RUNX2: variants seen among roughly 807,000 people sequenced by gnomAD.
The protein encoded by RUNX2 is runt-related transcription factor 2.
In RUNX2, 10 loss-of-function variants were observed where a neutral mutation model predicts 51.7. The observed-to-expected ratio is 0.19, with a 90% CI of 0.12 to 0.33. The LOEUF is 0.33. RUNX2 is among the 10% of genes least tolerant of loss of function. The pLI is 1.00. For synonymous variants in RUNX2, 276 were observed against 273.6 expected (o/e 1.01, Z -0.09); for missense variants, 562 against 691.3 (o/e 0.81, Z 2.10).
intron 2 of RUNX2, among the ~76,000 whole-genome samples, chr6:45,353,013 C>T (rs1462229979): frequency 6.6e-6 from 1 of 151,984 alleles, no homozygotes; most frequent in Non-Finnish European, 1.5e-5. Context: ...GCAAGAAAAA[C>T]AAATATTAAA....
rs886061510 is a variant in RUNX2 at position 45,550,947 on chromosome 6, C to T, written c.*3642C>T. Reference sequence around the variant, plus strand: ...CAGGTCATGATTGTGGATGAGTTTACTCTTAACTTCAAAGGGACTATTTGT... The same window carrying T: ...CAGGTCATGATTGTGGATGAGTTTATTCTTAACTTCAAAGGGACTATTTGT... On this transcript the variant is annotated 3_prime_UTR_variant, in exon 9 of 9. Coordinates refer to ENST00000647337, the MANE Select transcript of RUNX2 (RefSeq NM_001024630.4). 11 of 152,586 alleles carry T rather than the reference C, an allele frequency of 7.2e-5. No homozygotes were observed. Among genetic ancestry groups the T allele is most frequent in the Non-Finnish European group, 1.3e-4 (9 of 68,036 alleles). The allele number at this position is 152,586 out of a possible 1,614,324, so 9.5% of individuals were successfully genotyped here.
At chr6:45,337,777 ATT>A (rs1204239473) in intron 2 of RUNX2, among the ~76,000 whole-genome samples, 1 of 151,962 alleles carries the variant, frequency 6.6e-6, no homozygotes, top group African/African-American at 2.4e-5. Context: ...TGTTATGTTT[ATT>A]TTTGTTTATT....
intron 2 of RUNX2, among the ~76,000 whole-genome samples, chr6:45,332,580 T>C (rs1787733363): frequency 6.6e-6 from 1 of 151,818 alleles, no homozygotes; most frequent in African/African-American, 2.4e-5. Context: ...TCTAAGTCAA[T>C]AGTGAAGTCA....
intron 5 of RUNX2, among the ~76,000 whole-genome samples, chr6:45,450,760 A>G (rs1563092636): frequency 1.3e-5 from 2 of 152,202 alleles, no homozygotes; most frequent in Non-Finnish European, 1.5e-5. Flanking sequence ...CAAACCTTGA[A>G]CACAGTCAGT....
chr6:45,397,061 C>A (rs535381010), intron 2 of RUNX2, among the ~76,000 whole-genome samples: 26 of 151,722 alleles, frequency 1.7e-4, no homozygotes, highest in South Asian at 1.7e-3. Context: ...TGGGGATAAA[C>A]CTAAGAGTAG....
chr6:45,494,162 G>A (rs1047973838), intron 6 of RUNX2, among the ~76,000 whole-genome samples: 10 of 152,180 alleles, frequency 6.6e-5, no homozygotes, highest in African/African-American at 1.4e-4. Context: ...GCAGATACAC[G>A]TGCAGAGAGT....
intron 2 of RUNX2, among the ~76,000 whole-genome samples, chr6:45,398,173 A>T (rs928596273): frequency 2.5e-4 from 38 of 152,204 alleles, no homozygotes; most frequent in African/African-American, 8.2e-4. Context: ...GTGTGCACTT[A>T]GGAAAGTTAC....
chr6:45,525,112 A>G (rs773228771), intron 7 of RUNX2, among the ~76,000 whole-genome samples: 19 of 152,212 alleles, frequency 1.2e-4, no homozygotes, highest in Admixed American at 3.3e-4. Context: ...CTCAGTCTCA[A>G]AAGATATAGT....
intron 5 of RUNX2, among the ~76,000 whole-genome samples, chr6:45,485,930 T>A (rs1237569536): frequency 1.3e-5 from 2 of 151,902 alleles, no homozygotes; most frequent in East Asian, 1.9e-4. Flanking sequence ...CAATACTTTT[T>A]AAATTTTTTA....
chr6:45,392,012 G>A (rs1797481387), intron 2 of RUNX2, among the ~76,000 whole-genome samples: 1 of 152,058 alleles, frequency 6.6e-6, no homozygotes, highest in South Asian at 2.1e-4. Context: ...TCATCTGCAG[G>A]CTCTCATATA....
chr6:45,331,741 C>T (rs914265719), intron 2 of RUNX2, among the ~76,000 whole-genome samples: 49 of 151,894 alleles, frequency 3.2e-4, no homozygotes, highest in African/African-American at 1.2e-3. Context: ...CTCTCCTGAT[C>T]AATCCGTCTC....
intron 2 of RUNX2, among the ~76,000 whole-genome samples, chr6:45,405,574 A>G (rs1288803390): frequency 2.0e-5 from 3 of 152,224 alleles, no homozygotes; most frequent in African/African-American, 7.2e-5. Context: ...GGATCACCTG[A>G]GGTCAGGAGT....
chr6:45,419,719 G>C (rs1392723902), intron 2 of RUNX2, among the ~76,000 whole-genome samples: 1 of 152,202 alleles, frequency 6.6e-6, no homozygotes, highest in Non-Finnish European at 1.5e-5. Flanking sequence ...AATCGCACGC[G>C]CAGGAGCCAG....
intron 7 of RUNX2, among the ~76,000 whole-genome samples, chr6:45,541,828 C>T (rs1310938520): frequency 6.6e-6 from 1 of 152,192 alleles, no homozygotes; most frequent in Admixed American, 6.5e-5. Context: ...GGCAAGTACC[C>T]GGTCTGTTAT....
At position 45,551,044 on chromosome 6, in the gene RUNX2, A is replaced by C. The variant is rs1392069949; in HGVS notation, c.*3739A>C. On this transcript the variant is annotated 3_prime_UTR_variant, in exon 9 of 9. Transcript: ENST00000647337. ...GATTGTAATATTAATTTGAAGTTTG[A>C]ATTTAATTTTCAATAAAATGGCTTT... is the stretch of plus-strand genomic sequence containing the variant. 1 of 152,608 alleles carries C rather than the reference A, an allele frequency of 6.6e-6. No homozygotes were observed. 9.5% of individuals were successfully genotyped at this position (152,608 alleles called of 1,614,324 possible).
intron 7 of RUNX2, among the ~76,000 whole-genome samples, chr6:45,543,965 G>A (rs1297355685): frequency 6.6e-6 from 1 of 150,456 alleles, no homozygotes; most frequent in African/African-American, 2.5e-5. Context: ...ATCTCGTATG[G>A]TACTAGAGCA....
chr6:45,522,201 G>A (rs1306220739), intron 7 of RUNX2, among the ~76,000 whole-genome samples: 1 of 152,152 alleles, frequency 6.6e-6, no homozygotes, highest in African/African-American at 2.4e-5. Flanking sequence ...TTATGCAGGT[G>A]AGAAGTAAAA....
intron 5 of RUNX2, among the ~76,000 whole-genome samples, chr6:45,455,998 G>A (rs1381029569): frequency 1.3e-5 from 2 of 152,062 alleles, no homozygotes; most frequent in African/African-American, 4.8e-5. Context: ...AGTAACAAAA[G>A]CATATATATG....
At chr6:45,506,909 G>A (rs1459931455) in intron 6 of RUNX2, among the ~76,000 whole-genome samples, 2 of 151,636 alleles carry the variant, frequency 1.3e-5, no homozygotes, top group African/African-American at 4.8e-5. Flanking sequence ...ACCCAACTTG[G>A]CCTTCCAAAG....
Sources: gnomAD v4.1 joint callset for allele counts (sites outside exome capture counted in the v4.1 genomes callset) on GRCh38, gnomAD v4.1.1 for gene constraint, MANE v1.5 for transcripts, NCBI Gene and HGNC (gene_info 2026-07-23, HGNC 2026-07-21) for gene names.